The following IQSEC1 variants were observed in gnomAD, a reference collection of about 807,000 sequenced individuals.
IQSEC1 encodes IQ motif and SEC7 domain-containing protein 1.
In IQSEC1, 31 loss-of-function variants were observed where a neutral mutation model predicts 91.0. That is an observed-to-expected ratio of 0.34 (90% CI 0.26 to 0.46). The LOEUF (loss-of-function observed/expected upper bound fraction) is 0.46, where lower values mean the gene tolerates loss of function less well. Ranked by LOEUF, IQSEC1 falls within the 20% of genes least tolerant of loss-of-function variation. IQSEC1 has a pLI of 1.00. For synonymous variants in IQSEC1, 699 were observed against 662.6 expected (o/e 1.05, Z -0.84); for missense variants, 1,388 against 1,575.6 (o/e 0.88, Z 2.02).
intron 1 of IQSEC1, among the ~76,000 whole-genome samples, chr3:13,254,260 T>C (rs115603178): frequency 4.6e-5 from 7 of 152,230 alleles, no homozygotes; most frequent in Non-Finnish European, 1.0e-4. Flanking sequence ...CCGCTCCCCA[T>C]GGCTAGGCCA....
At chr3:12,962,826 C>T (rs1415911574) in intron 1 of IQSEC1, among the ~76,000 whole-genome samples, 1 of 152,172 alleles carries the variant, frequency 6.6e-6, no homozygotes, top group East Asian at 1.9e-4. Flanking sequence ...GGGAAAGAGA[C>T]AAGATGCCAG....
At chr3:13,223,477 G>A (rs758619270) in intron 1 of IQSEC1, among the ~76,000 whole-genome samples, 1 of 152,178 alleles carries the variant, frequency 6.6e-6, no homozygotes, top group Non-Finnish European at 1.5e-5. Flanking sequence ...GCTGCAGAGG[G>A]AGTCCTTGAG....
In IQSEC1 at chr3:12,970,926, A is replaced by G. The variant is rs1005603832; in HGVS notation, c.24-29061T>C. The stretch of plus-strand genomic sequence containing the variant: ...GTGCCGACAGTGGAGCCTGGTGCAC[A>G]GAAGGTCTTCGACAGCTGAATACGC... On this transcript the variant is annotated intron_variant, in intron 1 of 13. Coordinates refer to ENST00000613206, the MANE Select transcript of IQSEC1 (RefSeq NM_001134382.3). The surrounding 1 kb of genome is among the most constrained non-coding windows in gnomAD (Gnocchi z 4.4). 6.6e-6 allele frequency among the ~76,000 whole-genome samples: 1 copy of G among 152,248 alleles called. No individual in the cohort carries two copies. Among genetic ancestry groups the G allele is most frequent in the Non-Finnish European group, 1.5e-5 (1 of 68,040 alleles).
intron 1 of IQSEC1, among the ~76,000 whole-genome samples, chr3:13,188,036 G>T (rs932461388): frequency 3.9e-5 from 6 of 152,162 alleles, no homozygotes; most frequent in Admixed American, 3.9e-4. Flanking sequence ...TCAGACCACT[G>T]ACCTGCCTGG....
intron 1 of IQSEC1, among the ~76,000 whole-genome samples, chr3:13,054,323 G>C (rs1704800108): frequency 6.6e-6 from 1 of 152,240 alleles, no homozygotes; most frequent in African/African-American, 2.4e-5. Flanking sequence ...CCTACCAGCA[G>C]TTGACTGTGA....
chr3:12,960,868 CT>C (rs1382649767), intron 1 of IQSEC1, among the ~76,000 whole-genome samples: 1 of 152,256 alleles, frequency 6.6e-6, no homozygotes, highest in Non-Finnish European at 1.5e-5. Context: ...GCATAGTCAC[CT>C]GTTTTGTGTC....
At chr3:13,252,728 G>GTTTT (rs558834911) in intron 1 of IQSEC1, among the ~76,000 whole-genome samples, 2 of 117,952 alleles carry the variant, frequency 1.7e-5, no homozygotes, top group Admixed American at 7.8e-5. Flanking sequence ...GTTTTTTTTT[G>GTTTT]TTTTTGTTTG....
intron 1 of IQSEC1, among the ~76,000 whole-genome samples, chr3:13,206,156 T>TCCCTCCATCCAC (rs1559277382): frequency 1.7e-5 from 2 of 117,936 alleles, no homozygotes; most frequent in African/African-American, 6.7e-5. Flanking sequence ...CACCTATCCA[T>TCCCTCCATCCAC]CCCTCCATCC....
intron 2 of IQSEC1, among the ~76,000 whole-genome samples, chr3:13,109,702 T>A (rs1184049260): frequency 6.6e-6 from 1 of 151,746 alleles, no homozygotes; most frequent in African/African-American, 2.4e-5. Flanking sequence ...CCTTCCACCA[T>A]GAGTGGAAGC....
chr3:12,995,720 T>A (rs567776753), intron 1 of IQSEC1, among the ~76,000 whole-genome samples: 2 of 152,292 alleles, frequency 1.3e-5, no homozygotes, highest in Non-Finnish European at 2.9e-5. Flanking sequence ...ACGGCCCAGC[T>A]CCTGGTGGGT....
In IQSEC1 at chr3:12,900,889, G is replaced by A; in HGVS notation, c.*94C>T. 2.6e-6 allele frequency: 4 copies of A among 1,535,300 alleles called. No homozygotes were observed. The highest frequency in any genetic ancestry group is 1.2e-5 in the South Asian group (1 of 83,654). ...GCAGAGGGGAGAGATGGCAACAGAA[G>A]TGCCCCGGGTTTGGTGTGCGGCTGG... On this transcript the variant is annotated 3_prime_UTR_variant, in exon 14 of 14. Transcript: ENST00000613206.
chr3:13,249,600 T>C (rs1695161030), intron 1 of IQSEC1, among the ~76,000 whole-genome samples: 1 of 152,176 alleles, frequency 6.6e-6, no homozygotes, highest in African/African-American at 2.4e-5. Flanking sequence ...TACGGAGCTG[T>C]TATGGAGTTC....
At chr3:13,210,352 C>G (rs867430385) in intron 1 of IQSEC1, among the ~76,000 whole-genome samples, 5 of 152,128 alleles carry the variant, frequency 3.3e-5, no homozygotes, top group Non-Finnish European at 7.4e-5. Flanking sequence ...CATCTAGCCC[C>G]GCACACTCAT....
Position 13,207,174 on chromosome 3 carries a change from G to A in IQSEC1, c.273-43041C>T, listed in dbSNP as rs1694359647. Among the ~76,000 whole-genome samples the A allele has an allele frequency of 6.6e-6, 1 of 152,074 alleles. No homozygotes were observed. Among genetic ancestry groups the A allele is most frequent in the South Asian group, 2.1e-4 (1 of 4,824 alleles). ...CACCACCCACCTATCCTTGTCACCT[G>A]ATGTCTAACAAGCGTCTCTGGCTGA... On this transcript the variant is annotated intron_variant, in intron 1 of 15. Coordinates refer to the IQSEC1 transcript ENST00000648114. This position sits in a 1 kb window ranked among gnomAD's most constrained non-coding sequence, Gnocchi z 4.8.
intron 1 of IQSEC1, among the ~76,000 whole-genome samples, chr3:13,209,459 T>G (rs970530490): frequency 6.6e-6 from 1 of 152,238 alleles, no homozygotes; most frequent in East Asian, 1.9e-4. Flanking sequence ...AAGGCCTCCA[T>G]GCATGCCAGC....
chr3:13,008,770 C>A lies in IQSEC1; in HGVS notation c.23+64222G>T, dbSNP rs1016169536. ...GTCGAGTTACTGATAGAACAACGCTCTTGATCCGGCTCCAGGGCAGAAAGG... is the reference window on the plus strand; with the variant it reads ...GTCGAGTTACTGATAGAACAACGCTATTGATCCGGCTCCAGGGCAGAAAGG... On this transcript the variant is annotated intron_variant, in intron 1 of 13. Transcript: ENST00000613206. The surrounding 1 kb of genome is among the most constrained non-coding windows in gnomAD (Gnocchi z 4.1). 3.3e-5 allele frequency among the ~76,000 whole-genome samples: 5 copies of A among 152,214 alleles called. No individual in the cohort carries two copies. Among genetic ancestry groups the A allele is most frequent in the African/African-American group, 1.2e-4 (5 of 41,454 alleles).
At chr3:13,220,507 T>C (rs1432979039) in intron 1 of IQSEC1, among the ~76,000 whole-genome samples, 1 of 152,176 alleles carries the variant, frequency 6.6e-6, no homozygotes, top group East Asian at 1.9e-4. Context: ...AGACTGAGAG[T>C]CCCTCAAAGG....
chr3:13,028,276 A>G (rs361053), intron 1 of IQSEC1, among the ~76,000 whole-genome samples: 31,279 of 152,194 alleles, frequency 0.21, 3,480 homozygotes, highest in African/African-American at 0.26. Flanking sequence ...TGCAAATAAA[A>G]CTGAGTCCCA....
intron 1 of IQSEC1, among the ~76,000 whole-genome samples, chr3:13,206,936 G>A (rs1265079016): frequency 2.0e-5 from 3 of 152,200 alleles, no homozygotes; most frequent in South Asian, 2.1e-4. Context: ...GGTGGGCCCC[G>A]AAGCAGCCTC....
Sources: allele counts gnomAD v4.1 joint callset (sites outside exome capture counted in the v4.1 genomes callset), GRCh38; gene constraint gnomAD v4.1.1; non-coding constraint Gnocchi (gnomAD v3.1); transcripts MANE v1.5; gene names NCBI Gene and HGNC (gene_info 2026-07-23, HGNC 2026-07-21).